ITGAV: variants seen among roughly 807,000 people sequenced by gnomAD.
ITGAV encodes the protein integrin subunit alpha V.
ITGAV carries 76 observed loss-of-function variants against 143.8 expected under a neutral mutation model. The ratio of observed to expected loss-of-function variants is 0.53; its 90% CI spans 0.44 to 0.64. The LOEUF (loss-of-function observed/expected upper bound fraction) is 0.64, where lower values mean the gene tolerates loss of function less well. Ranked by LOEUF, ITGAV falls within the 30% of genes least tolerant of loss-of-function variation. ITGAV has a pLI of 0.00. For synonymous variants in ITGAV, 453 were observed against 446.7 expected (o/e 1.01, Z -0.18); for missense variants, 1,193 against 1,274.7 (o/e 0.94, Z 0.98).
At position 186,675,939 on chromosome 2, in the gene ITGAV, GT is replaced by G; in HGVS notation, c.2928+15del. On this transcript the variant is annotated intron_variant, in intron 28 of 29. Coordinates refer to ENST00000261023, the MANE Select transcript of ITGAV (RefSeq NM_002210.5). ...CCAACTCCACATTGGTAAGTCATTGGTTTAGGCAAATAGAATAAATTTACTC... is the reference window on the plus strand; with the variant it reads ...CCAACTCCACATTGGTAAGTCATTGGTTAGGCAAATAGAATAAATTTACTC... 2 of 1,371,900 alleles carry G rather than the reference GT, an allele frequency of 1.5e-6. No homozygotes were observed. Among genetic ancestry groups the G allele is most frequent in the Non-Finnish European group, 2.1e-6 (2 of 967,334 alleles). The allele number at this position is 1,371,900 out of a possible 1,614,324, so 85.0% of individuals were successfully genotyped here. A position where few individuals can be genotyped will look rare whatever the true frequency, so the allele number is the denominator to read the frequency against.
intron 20 of ITGAV, among the ~76,000 whole-genome samples, chr2:186,664,916 T>C (rs1224895740): frequency 6.6e-6 from 1 of 152,182 alleles, no homozygotes; most frequent in African/African-American, 2.4e-5. Context: ...TGTCAGAGGC[T>C]GTATGGTTTT....
At chr2:186,666,834 T>C (rs1688911927) in intron 22 of ITGAV, 51 bp downstream of exon 22, 3 of 956,398 alleles carry the variant, frequency 3.1e-6, no homozygotes, top group Non-Finnish European at 4.7e-6. Context: ...ATATTATTTG[T>C]TGTAAATATA....
intron 17 of ITGAV, among the ~76,000 whole-genome samples, chr2:186,658,343 A>G: frequency 6.6e-6 from 1 of 152,198 alleles, no homozygotes; most frequent in East Asian, 1.9e-4. Context: ...AAAGTCCACC[A>G]ATACCTATTA....
intron 2 of ITGAV, among the ~76,000 whole-genome samples, chr2:186,603,424 A>T (rs143121974): frequency 1.3e-5 from 2 of 152,122 alleles, no homozygotes; most frequent in Admixed American, 1.3e-4. Flanking sequence ...CCAGCTGTTA[A>T]TGGGAACCAG....
At chr2:186,616,317 C>T (rs1364204800) in intron 2 of ITGAV, among the ~76,000 whole-genome samples, 1 of 130,740 alleles carries the variant, frequency 7.6e-6, no homozygotes, top group Non-Finnish European at 1.5e-5. Flanking sequence ...CTCGCTCTGT[C>T]GCCCAGGCTG....
chr2:186,665,343 A>G, intron 21 of ITGAV, 125 bp downstream of exon 21: 1 of 644,208 alleles, frequency 1.6e-6, no homozygotes, highest in East Asian at 2.8e-5. Flanking sequence ...GTTTCGATAT[A>G]ATAGTTAAAT....
intron 24 of ITGAV, 80 bp downstream of exon 24, chr2:186,667,856 A>C (rs893799469): frequency 3.1e-5 from 22 of 711,858 alleles, no homozygotes; most frequent in Non-Finnish European, 4.1e-5. Flanking sequence ...TTAAAAAAAA[A>C]ATTCTATGTA....
chr2:186,635,326 T>C (rs895184046), intron 6 of ITGAV, among the ~76,000 whole-genome samples: 2 of 152,208 alleles, frequency 1.3e-5, no homozygotes, highest in Non-Finnish European at 2.9e-5. Context: ...TGTTCTTCAA[T>C]TCAGGAAATG....
At position 186,669,937 on chromosome 2, in the gene ITGAV, C is replaced by T. The variant is rs374282243; in HGVS notation, c.2706+123C>T. On this transcript the variant is annotated intron_variant, in intron 26 of 29. Transcript: ENST00000261023. The stretch of plus-strand genomic sequence containing the variant: ...TTGAACAACTACATTTATTTTTATA[C>T]CATGCATTCCTCTCACTTTCCTTTT... 1.9e-5 allele frequency: 13 copies of T among 684,098 alleles called. No individual in the cohort carries two copies. The East Asian group carries it at 2.3e-4, about 12-fold the overall frequency. 42.4% of individuals were successfully genotyped at this position (684,098 alleles called of 1,614,324 possible).
intron 6 of ITGAV, 66 bp from the exon 7 acceptor site, chr2:186,636,016 T>C (rs1687937317): frequency 7.2e-7 from 1 of 1,383,006 alleles, no homozygotes; most frequent in South Asian, 1.3e-5. Flanking sequence ...GCAGGTACCA[T>C]ACATTATCTG....
At chr2:186,600,375 TG>T (rs749573386) in intron 1 of ITGAV, 1 of 1,528,114 alleles carries the variant, frequency 6.5e-7, no homozygotes. Flanking sequence ...TACATCTTAA[TG>T]TTGTGGTGAG....
rs947752084 is a variant in ITGAV, at chr2:186,655,339, A to G, written c.1564+631A>G. ...TGTGTGTTTGTGTGTGAAAGTTTAC[A>G]TAGGGCAGCCAAGTAAGGTCTCCCT... On this transcript the variant is annotated intron_variant, in intron 16 of 29. Transcript: ENST00000261023. 1.6e-4 allele frequency among the ~76,000 whole-genome samples: 24 copies of G among 152,302 alleles called. 1 individual carries two copies. The highest frequency in any genetic ancestry group is 1.5e-3 in the Admixed American group (23 of 15,302).
chr2:186,633,425 A>G, intron 6 of ITGAV, 51 bp downstream of exon 6: 1 of 1,067,392 alleles, frequency 9.4e-7, no homozygotes. Flanking sequence ...TCGCTGATTC[A>G]CCTGGCTAAT....
chr2:186,658,976 A>G, intron 17 of ITGAV, 62 bp from the exon 18 acceptor site: 1 of 1,341,494 alleles, frequency 7.5e-7, no homozygotes, highest in East Asian at 2.5e-5. Flanking sequence ...ATGTGCACTT[A>G]TGGATTTCTC....
Position 186,646,718 on chromosome 2 carries a change from G to A in ITGAV, c.1192G>A (p.Asp398Asn), listed in dbSNP as rs1688271933. The A allele has an allele frequency of 6.2e-7, 1 of 1,602,304 alleles. No homozygotes were observed. The highest frequency in any genetic ancestry group is 1.3e-5 in the African/African-American group (1 of 74,758). The change falls in exon 13 of 30, where the codon GAT becomes AAT. Residue 398 changes from aspartate to asparagine, a missense_variant. Asp to Asn is a conservative substitution (Grantham distance 23). Transcript: ENST00000261023. ...AATTGCTGCTCCATATGGGGGTGAA[G>A]ATAAAAAAGGAATTGTTTATATCTT... Reference protein sequence around the residue: ...IAIAAPYGGEDKKGIVYIFNG... With the variant: ...IAIAAPYGGENKKGIVYIFNG...
At chr2:186,662,739 G>A (rs1163298262) in intron 18 of ITGAV, among the ~76,000 whole-genome samples, 1 of 152,160 alleles carries the variant, frequency 6.6e-6, no homozygotes, top group Non-Finnish European at 1.5e-5. Flanking sequence ...ATTTTTAAGT[G>A]ATTCCATGTA....
At chr2:186,638,535 G>T (rs377631728) in intron 10 of ITGAV, 70 bp downstream of exon 10, 3 of 1,127,638 alleles carry the variant, frequency 2.7e-6, no homozygotes, top group East Asian at 4.7e-5. Flanking sequence ...GAAAATTTGC[G>T]AAATAAAACT....
intron 10 of ITGAV, among the ~76,000 whole-genome samples, 166 bp downstream of exon 10, chr2:186,638,631 C>CGTGTGTGTGTGT (rs34535817): frequency 4.2e-4 from 61 of 144,794 alleles, no homozygotes; most frequent in African/African-American, 7.2e-4. Context: ...CTCTTTTGAG[C>CGTGTGTGTGTGT]GTGTGTGTGT....
At chr2:186,648,714 C>T (rs1210727638) in intron 13 of ITGAV, among the ~76,000 whole-genome samples, 1 of 151,902 alleles carries the variant, frequency 6.6e-6, no homozygotes, top group African/African-American at 2.4e-5. Context: ...AGGCTGGTCT[C>T]GAACTCCTGA....
Sources: gnomAD v4.1 joint callset for allele counts (sites outside exome capture counted in the v4.1 genomes callset) on GRCh38, gnomAD v4.1.1 for gene constraint, MANE v1.5 for transcripts, NCBI Gene and HGNC (gene_info 2026-07-23, HGNC 2026-07-21) for gene names.